Variants in SUMF1 observed in about 807,000 individuals in gnomAD.
The protein encoded by SUMF1 is formylglycine-generating enzyme.
In SUMF1, 48 loss-of-function variants were observed where a neutral mutation model predicts 47.6. That is an observed-to-expected ratio of 1.01 (90% CI 0.80 to 1.28). The LOEUF (loss-of-function observed/expected upper bound fraction) is 1.28. SUMF1 is among the 50% of genes most tolerant of loss of function. The probability of loss-of-function intolerance (pLI) is 0.00; values close to 1 mark genes in which losing one functional copy is unlikely to be tolerated. For synonymous variants in SUMF1, 230 were observed against 192.1 expected (o/e 1.20, Z -1.63); for missense variants, 571 against 485.4 (o/e 1.18, Z -1.66).
chr3:4,195,577 A>C (rs1017548621), intron 8 of SUMF1, among the ~76,000 whole-genome samples: 3 of 152,158 alleles, frequency 2.0e-5, no homozygotes, highest in Non-Finnish European at 4.4e-5. Context: ...TTTTATTAGA[A>C]TCATTCTAGG....
intron 7 of SUMF1, among the ~76,000 whole-genome samples, chr3:4,380,387 C>A (rs1282575510): frequency 6.6e-6 from 1 of 152,078 alleles, no homozygotes; most frequent in African/African-American, 2.4e-5. Flanking sequence ...TACATGGAGA[C>A]AAAGAAGAGA....
At chr3:4,320,901 G>A (rs769279124) in intron 8 of SUMF1, among the ~76,000 whole-genome samples, 6 of 152,152 alleles carry the variant, frequency 3.9e-5, no homozygotes, top group Non-Finnish European at 8.8e-5. Context: ...GGCCTCCATG[G>A]GGGCAGCTTC....
At chr3:4,243,061 T>C (rs1320455634) in intron 8 of SUMF1, among the ~76,000 whole-genome samples, 3 of 152,206 alleles carry the variant, frequency 2.0e-5, no homozygotes, top group Admixed American at 1.3e-4. Flanking sequence ...GAGGTGTTTA[T>C]AGTATTCTCT....
chr3:4,229,282 C>A, intron 8 of SUMF1: 1 of 355,006 alleles, frequency 2.8e-6, no homozygotes, highest in South Asian at 2.2e-5. Context: ...CCTTCATATG[C>A]TAGCAACTAG....
chr3:4,458,821 A>C (rs979656589), intron 1 of SUMF1, among the ~76,000 whole-genome samples: 1 of 152,156 alleles, frequency 6.6e-6, no homozygotes, highest in Admixed American at 6.5e-5. Flanking sequence ...GAGCCACTGC[A>C]CTCCAGCCTG....
intron 8 of SUMF1, among the ~76,000 whole-genome samples, chr3:4,250,912 A>T (rs534460994): frequency 9.3e-4 from 141 of 152,326 alleles, no homozygotes; most frequent in Non-Finnish European, 1.5e-3. Flanking sequence ...GCTTATAAAC[A>T]AGGAGATGAA....
At chr3:4,321,663 A>T (rs1698837713) in intron 8 of SUMF1, among the ~76,000 whole-genome samples, 1 of 152,120 alleles carries the variant, frequency 6.6e-6, no homozygotes, top group Non-Finnish European at 1.5e-5. Flanking sequence ...TAAATAAATG[A>T]TTGAATCAAT....
chr3:4,097,039 A>G (rs768169369), intron 8 of SUMF1, among the ~76,000 whole-genome samples: 2 of 152,120 alleles, frequency 1.3e-5, no homozygotes, highest in Admixed American at 6.6e-5. Context: ...CAGCCTGCAG[A>G]CTAACAATTT....
intron 8 of SUMF1, among the ~76,000 whole-genome samples, chr3:4,258,841 T>C (rs1272106683): frequency 1.5e-5 from 2 of 136,370 alleles, no homozygotes; most frequent in African/African-American, 5.5e-5. Flanking sequence ...TTATTCACAA[T>C]AGCAAAGACT....
chr3:4,304,388 C>T (rs1253984192), intron 8 of SUMF1, among the ~76,000 whole-genome samples: 1 of 152,158 alleles, frequency 6.6e-6, no homozygotes. Context: ...GTGATCCGCC[C>T]GCCTCGGCCT....
chr3:4,253,641 C>T (rs1290425699), intron 8 of SUMF1, among the ~76,000 whole-genome samples: 1 of 151,806 alleles, frequency 6.6e-6, no homozygotes, highest in African/African-American at 2.4e-5. Flanking sequence ...ATTGCTAGCA[C>T]AGCAGTCTGT....
chr3:4,432,764 T>A (rs1702273967), intron 3 of SUMF1, among the ~76,000 whole-genome samples: 1 of 152,222 alleles, frequency 6.6e-6, no homozygotes, highest in Non-Finnish European at 1.5e-5. Flanking sequence ...CTGTTCCTTA[T>A]TAGAATTATA....
intron 7 of SUMF1, among the ~76,000 whole-genome samples, chr3:4,380,068 C>T (rs1356533766): frequency 6.6e-6 from 1 of 152,138 alleles, no homozygotes; most frequent in African/African-American, 2.4e-5. Flanking sequence ...CATCTGTTTG[C>T]CTGTATACCA....
chr3:4,467,050 C>A lies in SUMF1; in HGVS notation c.196G>T (p.Ala66Ser). The stretch of plus-strand genomic sequence containing the variant: ...GCCTCCCGCGAGTATCGGTGAGCGG[C>A]TGCCGAACTGCCATGGGCGCCAGGC... Reference protein sequence around the residue: ...QRPGAHGSSAAAHRYSREANA... With the variant: ...QRPGAHGSSASAHRYSREANA... The change falls in exon 1 of 9, where the codon GCC (alanine) becomes TCC (serine). Residue 66 changes from alanine (A) to serine (S), a missense_variant. Coordinates refer to ENST00000272902, the MANE Select transcript of SUMF1 (RefSeq NM_182760.4). 1 of 1,569,326 alleles carries A rather than the reference C, an allele frequency of 6.4e-7. No individual in the cohort carries two copies. Among genetic ancestry groups the A allele is most frequent in the Middle Eastern group, 2.1e-4 (1 of 4,726 alleles).
intron 8 of SUMF1, among the ~76,000 whole-genome samples, chr3:4,211,203 C>CATACATATATATATATATAT (rs779146352): frequency 1.0e-5 from 1 of 98,160 alleles, no homozygotes; most frequent in Non-Finnish European, 2.0e-5. Flanking sequence ...TACATACATA[C>CATACATATATATATATATAT]ATATATATAT....
At chr3:4,313,795 C>G (rs755743949) in intron 8 of SUMF1, 19 of 1,612,542 alleles carry the variant, frequency 1.2e-5, no homozygotes, top group Admixed American at 1.7e-5. Flanking sequence ...GCTTGCCCCT[C>G]CCTATAGTGG....
chr3:4,336,355 G>A (rs1699152662), intron 8 of SUMF1, among the ~76,000 whole-genome samples: 1 of 152,184 alleles, frequency 6.6e-6, no homozygotes, highest in African/African-American at 2.4e-5. Flanking sequence ...TGAAAAGAGG[G>A]AGTGTGGAAG....
intron 1 of SUMF1, among the ~76,000 whole-genome samples, chr3:4,464,616 C>G (rs1035139191): frequency 4.6e-5 from 7 of 152,230 alleles, no homozygotes; most frequent in African/African-American, 1.7e-4. Context: ...GGCAGAAACA[C>G]CACTATGCTC....
At chr3:4,155,809 G>A (rs1694439381) in intron 8 of SUMF1, among the ~76,000 whole-genome samples, 1 of 151,088 alleles carries the variant, frequency 6.6e-6, no homozygotes, top group South Asian at 2.1e-4. Flanking sequence ...TTCCAGAGGG[G>A]AAATGCCCTA....
Sources: allele counts gnomAD v4.1 joint callset (sites outside exome capture counted in the v4.1 genomes callset), GRCh38; gene constraint gnomAD v4.1.1; transcripts MANE v1.5; gene names NCBI Gene and HGNC (gene_info 2026-07-23, HGNC 2026-07-21).